SLC25A21: variants seen among roughly 807,000 people sequenced by gnomAD.
The protein encoded by SLC25A21 is mitochondrial 2-oxodicarboxylate carrier.
SLC25A21 carries 47 observed loss-of-function variants against 43.8 expected under a neutral mutation model. The observed-to-expected ratio is 1.07, with a 90% CI of 0.85 to 1.37. The LOEUF (loss-of-function observed/expected upper bound fraction) is 1.37, where lower values mean the gene tolerates loss of function less well. Among genes scored for constraint, SLC25A21 ranks in the 40% most tolerant of loss-of-function variants. The probability of loss-of-function intolerance (pLI) is 0.00; values close to 1 mark genes in which losing one functional copy is unlikely to be tolerated. For synonymous variants in SLC25A21, 131 were observed against 121.3 expected (o/e 1.08, Z -0.52); for missense variants, 352 against 350.2 (o/e 1.00, Z -0.04).
At chr14:36,686,792 T>C (rs1345937414) in intron 7 of SLC25A21, among the ~76,000 whole-genome samples, 1 of 152,186 alleles carries the variant, frequency 6.6e-6, no homozygotes, top group Non-Finnish European at 1.5e-5. Context: ...TTTGGGAGAC[T>C]GGCTGATGTG....
At chr14:36,910,997 T>C (rs1248636740) in intron 1 of SLC25A21, among the ~76,000 whole-genome samples, 17 of 152,190 alleles carry the variant, frequency 1.1e-4, no homozygotes, top group Admixed American at 1.1e-3. Context: ...CAAAAGGAAA[T>C]TAAACCCAGC....
chr14:36,953,409 G>A (rs1476567056), intron 1 of SLC25A21, among the ~76,000 whole-genome samples: 2 of 151,990 alleles, frequency 1.3e-5, no homozygotes, highest in African/African-American at 4.8e-5. Flanking sequence ...CATATAGATA[G>A]CATATATAGT....
At chr14:37,151,160 C>A (rs920013822) in intron 1 of SLC25A21, among the ~76,000 whole-genome samples, 5 of 152,150 alleles carry the variant, frequency 3.3e-5, no homozygotes, top group Admixed American at 2.0e-4. Flanking sequence ...GTTCTCCCTA[C>A]AGTAGTCTAT....
chr14:37,039,995 G>C (rs1961411036), intron 1 of SLC25A21, among the ~76,000 whole-genome samples: 1 of 151,332 alleles, frequency 6.6e-6, no homozygotes, highest in Admixed American at 6.6e-5. Context: ...AGGAGTTCAA[G>C]ATCAACCTGG....
chr14:37,056,189 T>C (rs950090243), intron 1 of SLC25A21, among the ~76,000 whole-genome samples: 12 of 152,146 alleles, frequency 7.9e-5, no homozygotes, highest in African/African-American at 2.2e-4. Flanking sequence ...ACTTCTTTTC[T>C]TTATAAATTA....
rs933660421 is a variant in SLC25A21, at chr14:37,004,715, G to A, written c.71-129711C>T. Among the ~76,000 whole-genome samples the A allele has an allele frequency of 3.3e-5, 5 of 152,092 alleles. No homozygotes were observed. The East Asian group carries it at 7.8e-4, about 24-fold the overall frequency. On this transcript the variant is annotated intron_variant, in intron 1 of 9. Coordinates refer to ENST00000331299, the MANE Select transcript of SLC25A21 (RefSeq NM_030631.4). ...GGGAGCAGGTTCAGCGTCTCTGGGA[G>A]GGCACACCCTCCCTCCCACCCTGTA...
chr14:36,710,227 G>A (rs968165852), intron 7 of SLC25A21, among the ~76,000 whole-genome samples: 1 of 151,854 alleles, frequency 6.6e-6, no homozygotes, highest in African/African-American at 2.4e-5. Context: ...AAAAAAATTA[G>A]CTGGGTGCGG....
intron 1 of SLC25A21, among the ~76,000 whole-genome samples, chr14:36,917,430 C>T (rs1891860446): frequency 6.6e-6 from 1 of 152,144 alleles, no homozygotes; most frequent in South Asian, 2.1e-4. Flanking sequence ...ACCTTTCCCA[C>T]ATAGTTGTTT....
intron 9 of SLC25A21, among the ~76,000 whole-genome samples, chr14:36,682,885 ACT>A (rs1882345160): frequency 1.3e-5 from 2 of 152,040 alleles, no homozygotes; most frequent in Non-Finnish European, 2.9e-5. Flanking sequence ...CAATTTACAG[ACT>A]CTTGTTCTCT....
chr14:36,989,059 G>T (rs1253095920), intron 1 of SLC25A21, among the ~76,000 whole-genome samples: 2 of 152,270 alleles, frequency 1.3e-5, no homozygotes, highest in East Asian at 3.9e-4. Context: ...TTTCTTTTTA[G>T]AATTATCATA....
intron 2 of SLC25A21, among the ~76,000 whole-genome samples, chr14:36,847,424 G>A (rs1889581491): frequency 6.6e-6 from 1 of 152,208 alleles, no homozygotes; most frequent in African/African-American, 2.4e-5. Context: ...TGTCTACTGA[G>A]GAGGCTAAAA....
chr14:36,941,677 T>C (rs376530076), intron 1 of SLC25A21, among the ~76,000 whole-genome samples: 2 of 151,836 alleles, frequency 1.3e-5, no homozygotes, highest in African/African-American at 4.8e-5. Flanking sequence ...CACAGAATAA[T>C]TTTAAATGCT....
At chr14:36,819,938 T>A (rs1250981838) in intron 2 of SLC25A21, among the ~76,000 whole-genome samples, 1 of 152,160 alleles carries the variant, frequency 6.6e-6, no homozygotes, top group African/African-American at 2.4e-5. Context: ...TATGCAGTAA[T>A]TGAATTGCAA....
intron 1 of SLC25A21, among the ~76,000 whole-genome samples, chr14:37,092,430 C>G (rs1053451757): frequency 6.6e-6 from 1 of 152,150 alleles, no homozygotes; most frequent in Admixed American, 6.5e-5. Context: ...GCATCCATCT[C>G]CTCCGTCCTC....
chr14:36,921,021 T>A (rs1019510554), intron 1 of SLC25A21, among the ~76,000 whole-genome samples: 1 of 152,154 alleles, frequency 6.6e-6, no homozygotes, highest in Non-Finnish European at 1.5e-5. Flanking sequence ...TGATTCATGA[T>A]TTACAATCAA....
At chr14:37,169,617 T>TATTCATGGACA (rs1964088845) in intron 1 of SLC25A21, among the ~76,000 whole-genome samples, 1 of 94,356 alleles carries the variant, frequency 1.1e-5, no homozygotes, top group Non-Finnish European at 2.4e-5. Context: ...AGAAGTGTTG[T>TATTCATGGACA]ATTCATGGAC....
At chr14:37,063,359 G>A (rs564833386) in intron 1 of SLC25A21, among the ~76,000 whole-genome samples, 1 of 152,014 alleles carries the variant, frequency 6.6e-6, no homozygotes, top group Admixed American at 6.6e-5. Flanking sequence ...AATTAGCCAG[G>A]CCTGGTGGCT....
intron 3 of SLC25A21, among the ~76,000 whole-genome samples, chr14:36,813,414 C>A (rs1290243253): frequency 1.3e-5 from 2 of 151,516 alleles, no homozygotes; most frequent in African/African-American, 4.9e-5. Context: ...GGCCGGAGTG[C>A]AGTGGCGCAA....
intron 1 of SLC25A21, among the ~76,000 whole-genome samples, chr14:37,039,575 T>C (rs1594764188): frequency 1.3e-5 from 2 of 152,216 alleles, no homozygotes; most frequent in Non-Finnish European, 2.9e-5. Context: ...ATCTATGTTG[T>C]TGAAGGTATC....
Sources: allele counts gnomAD v4.1 joint callset (sites outside exome capture counted in the v4.1 genomes callset), GRCh38; gene constraint gnomAD v4.1.1; transcripts MANE v1.5; gene names NCBI Gene and HGNC (gene_info 2026-07-23, HGNC 2026-07-21).